Variants in ERG observed in about 807,000 individuals in gnomAD.
ERG encodes the protein transcriptional regulator ERG.
Under a neutral mutation model 55.3 loss-of-function variants are expected in ERG, and 9 were observed. The ratio of observed to expected loss-of-function variants is 0.16; its 90% confidence interval spans 0.10 to 0.28. ERG has a LOEUF of 0.28. ERG is among the 10% of genes least tolerant of loss of function. The pLI is 1.00. For missense variants in ERG, 434 were observed against 631.6 expected (o/e 0.69, Z 3.35); for synonymous variants, 223 against 237.3 (o/e 0.94, Z 0.55).
At chr21:38,477,405 A>G (rs1428747561) in intron 1 of ERG, among the ~76,000 whole-genome samples, 1 of 152,164 alleles carries the variant, frequency 6.6e-6, no homozygotes, top group Non-Finnish European at 1.5e-5. Context: ...TTGTGGTCAC[A>G]GAAGGGAGAT....
intron 2 of ERG, among the ~76,000 whole-genome samples, chr21:38,521,559 C>T (rs1401340487): frequency 1.3e-5 from 2 of 152,080 alleles, no homozygotes; most frequent in Admixed American, 6.6e-5. Context: ...GGAAAAATAG[C>T]CTCCATACAA....
chr21:38,625,981 G>A (rs1373970940), intron 1 of ERG, among the ~76,000 whole-genome samples: 1 of 143,852 alleles, frequency 7.0e-6, no homozygotes, highest in Non-Finnish European at 1.5e-5. Flanking sequence ...GGAGTGCAGT[G>A]GCGTGATCTC....
chr21:38,603,565 G>A (rs1056089784), intron 1 of ERG, among the ~76,000 whole-genome samples: 3 of 151,940 alleles, frequency 2.0e-5, no homozygotes, highest in African/African-American at 7.3e-5. Context: ...AAGAAGTGGC[G>A]AATCTGGGGC....
At chr21:38,560,035 T>A (rs2059883409) in intron 2 of ERG, among the ~76,000 whole-genome samples, 1 of 152,182 alleles carries the variant, frequency 6.6e-6, no homozygotes, top group Non-Finnish European at 1.5e-5. Context: ...TTGACAGTAG[T>A]GGGACTGTCC....
intron 2 of ERG, among the ~76,000 whole-genome samples, chr21:38,440,134 G>T (rs2058826423): frequency 6.6e-6 from 1 of 152,238 alleles, no homozygotes; most frequent in African/African-American, 2.4e-5. Flanking sequence ...ACTTCAAGTG[G>T]CATGTGCACT....
intron 1 of ERG, among the ~76,000 whole-genome samples, chr21:38,592,642 G>C (rs1206364806): frequency 6.6e-6 from 1 of 151,104 alleles, no homozygotes; most frequent in Admixed American, 6.6e-5. Flanking sequence ...CACTAACTCT[G>C]CTATACTTTA....
In ERG at chr21:38,429,464, C is replaced by T. The variant is rs1253942377; in HGVS notation, c.237-5903G>A. On this transcript the variant is annotated intron_variant, in intron 2 of 9. Transcript: ENST00000288319. ...ATACACGTGTACACATGTACATATA[C>T]ACATATGTGTATATACATGTATGCA... Among the ~76,000 whole-genome samples the T allele has an allele frequency of 8.1e-5, 12 of 147,410 alleles. 4 individuals carry two copies. The highest frequency in any genetic ancestry group is 1.5e-4 in the African/African-American group (6 of 39,566).
chr21:38,568,856 G>A (rs997017561), intron 2 of ERG, among the ~76,000 whole-genome samples: 1 of 152,178 alleles, frequency 6.6e-6, no homozygotes, highest in African/African-American at 2.4e-5. Context: ...AAGCACCCGA[G>A]GGTCACCTGC....
At chr21:38,489,562 CT>C (rs2059317133) in intron 1 of ERG, among the ~76,000 whole-genome samples, 1 of 152,250 alleles carries the variant, frequency 6.6e-6, no homozygotes, top group African/African-American at 2.4e-5. Flanking sequence ...ATAAAAGTCA[CT>C]TACATTTGGC....
chr21:38,403,041 T>C (rs1465380701), intron 4 of ERG, among the ~76,000 whole-genome samples: 1 of 152,232 alleles, frequency 6.6e-6, no homozygotes, highest in Non-Finnish European at 1.5e-5. Context: ...AATCACATGA[T>C]ACAAAGTGAA....
chr21:38,652,545 C>T (rs1214200990), intron 1 of ERG, among the ~76,000 whole-genome samples: 2 of 152,166 alleles, frequency 1.3e-5, no homozygotes, highest in Non-Finnish European at 2.9e-5. Flanking sequence ...ATGCAATGGC[C>T]CGCCAGGCAG....
chr21:38,523,429 T>C (rs1433847279), intron 2 of ERG, among the ~76,000 whole-genome samples: 2 of 152,128 alleles, frequency 1.3e-5, no homozygotes, highest in African/African-American at 4.8e-5. Flanking sequence ...CCAATGAGTA[T>C]TCATCACCAA....
At position 38,381,676 on chromosome 21, in the gene ERG, C is replaced by T. The variant is rs1166269389; in HGVS notation, c.*1727G>A. The T allele has an allele frequency of 3.8e-6, 4 of 1,063,474 alleles. No homozygotes were observed. Among genetic ancestry groups the T allele is most frequent in the African/African-American group, 1.6e-5 (1 of 60,964 alleles). 65.9% of individuals were successfully genotyped at this position (1,063,474 alleles called of 1,614,324 possible). On this transcript the variant is annotated 3_prime_UTR_variant, in exon 10 of 10. Transcript: ENST00000288319. ...CACTGTTCAACAAATGTATTTTAATCATAGCAGGAATTAAGGGTGATTTGT... is the reference window on the plus strand; with the variant it reads ...CACTGTTCAACAAATGTATTTTAATTATAGCAGGAATTAAGGGTGATTTGT...
At chr21:38,424,175 A>G (rs1989690518) in intron 2 of ERG, among the ~76,000 whole-genome samples, 1 of 71,650 alleles carries the variant, frequency 1.4e-5, no homozygotes, top group Non-Finnish European at 2.8e-5. Flanking sequence ...AAAGAAAGAG[A>G]CCAGAGCTCG....
At chr21:38,575,518 A>C in intron 2 of ERG, 1 of 618,508 alleles carries the variant, frequency 1.6e-6, no homozygotes, top group Non-Finnish European at 2.9e-6. Flanking sequence ...TTGATTTTTC[A>C]ACCATTTAAA....
At chr21:38,591,368 G>C (rs1300443874) in intron 1 of ERG, among the ~76,000 whole-genome samples, 2 of 152,198 alleles carry the variant, frequency 1.3e-5, no homozygotes, top group African/African-American at 4.8e-5. Context: ...GGCAATGTAG[G>C]CTACTCATAG....
At position 38,381,208 on chromosome 21, in the gene ERG, C is replaced by T. The variant is rs117007020; in HGVS notation, c.*2195G>A. 1.7e-3 allele frequency: 1,776 copies of T among 1,064,996 alleles called. 49 individuals carry two copies. The Admixed American group carries it at 0.063, about 38-fold the overall frequency. 66.0% of individuals were successfully genotyped at this position (1,064,996 alleles called of 1,614,324 possible). A position where few individuals can be genotyped will look rare whatever the true frequency, so the allele number is the denominator to read the frequency against. Reference sequence around the variant, plus strand: ...CATAATCATAGCAAAAGGACTGCAACGTGAAAAAAACAGGCCCTGAAACAG... The same window carrying T: ...CATAATCATAGCAAAAGGACTGCAATGTGAAAAAAACAGGCCCTGAAACAG... On this transcript the variant is annotated 3_prime_UTR_variant, in exon 10 of 10. Transcript: ENST00000288319.
intron 2 of ERG, among the ~76,000 whole-genome samples, chr21:38,547,811 C>T (rs2059797712): frequency 6.6e-6 from 1 of 152,158 alleles, no homozygotes; most frequent in African/African-American, 2.4e-5. Flanking sequence ...AATATTCCAA[C>T]ACCAGAACCT....
intron 1 of ERG, among the ~76,000 whole-genome samples, chr21:38,453,388 T>G (rs1375381692): frequency 6.6e-6 from 1 of 152,240 alleles, no homozygotes; most frequent in Non-Finnish European, 1.5e-5. Flanking sequence ...GAAAATTAGA[T>G]TTAAATGAGC....
Sources: gnomAD v4.1 joint callset for allele counts (sites outside exome capture counted in the v4.1 genomes callset) on GRCh38, gnomAD v4.1.1 for gene constraint, MANE v1.5 for transcripts, NCBI Gene and HGNC (gene_info 2026-07-23, HGNC 2026-07-21) for gene names.